ARSG: variants seen among roughly 807,000 people sequenced by gnomAD.
ARSG encodes the protein ASG.
ARSG carries 37 observed loss-of-function variants against 50.5 expected under a neutral mutation model. The observed-to-expected ratio is 0.73, with a 90% confidence interval of 0.56 to 0.96. ARSG has a LOEUF of 0.96. ARSG is among the 50% of genes least tolerant of loss of function. The pLI, the probability that ARSG is intolerant of heterozygous loss-of-function variation, is 0.00. For missense variants in ARSG, 629 were observed against 675.3 expected (o/e 0.93, Z 0.76); for synonymous variants, 225 against 254.6 (o/e 0.88, Z 1.11).
chr17:68,317,967 C>T (rs142487440), intron 2 of ARSG, among the ~76,000 whole-genome samples: 2,870 of 152,046 alleles, frequency 0.019, 101 homozygotes, highest in African/African-American at 0.066. Context: ...GGCGTGGTGG[C>T]GGGTGCCTGT....
At chr17:68,273,995 G>A (rs1192327611) in intron 1 of ARSG, 6 of 1,614,040 alleles carry the variant, frequency 3.7e-6, no homozygotes, top group East Asian at 2.2e-5. Flanking sequence ...CACCATCCCG[G>A]TGCTGACAAG....
chr17:68,326,076 A>G (rs1296264389), intron 2 of ARSG, among the ~76,000 whole-genome samples: 1 of 152,214 alleles, frequency 6.6e-6, no homozygotes, highest in African/African-American at 2.4e-5. Flanking sequence ...GGGCAGTGAC[A>G]AGACTAGGCA....
chr17:68,352,344 GA>G (rs33948326), intron 5 of ARSG, among the ~76,000 whole-genome samples: 13,073 of 141,830 alleles, frequency 0.092, 701 homozygotes, highest in East Asian at 0.17. Context: ...AATAGTAAGT[GA>G]AAAAAAAAAA....
chr17:68,259,255 C>G (rs1424638668), exon 1 of ARSG: 2 of 152,184 alleles, frequency 1.3e-5, no homozygotes, highest in Non-Finnish European at 2.9e-5. Flanking sequence ...CCGGGGACTT[C>G]CCCGGCGGGG....
chr17:68,356,901 G>A, intron 6 of ARSG, 97 bp downstream of exon 6: 2 of 1,469,632 alleles, frequency 1.4e-6, no homozygotes, highest in Non-Finnish European at 1.9e-6. Context: ...TGAGGCCATG[G>A]CAGAGTTTTG....
Position 68,306,995 on chromosome 17 carries a change from G to T in ARSG, c.-499G>T, listed in dbSNP as rs1463403440. On this transcript the variant is annotated 5_prime_UTR_variant, in exon 2 of 12. Transcript: ENST00000621439. The stretch of plus-strand genomic sequence containing the variant: ...AACCATCTGCTACTCAGTTATTCGG[G>T]GCTGACGGCGGCTTCTAGAACATCC... 1 of 152,716 alleles carries T rather than the reference G, an allele frequency of 6.5e-6. No homozygotes were observed. Among genetic ancestry groups the T allele is most frequent in the Non-Finnish European group, 1.5e-5 (1 of 68,518 alleles). 9.5% of individuals were successfully genotyped at this position (152,716 alleles called of 1,614,324 possible).
intron 4 of ARSG, among the ~76,000 whole-genome samples, chr17:68,349,900 G>A (rs1240804150): frequency 2.6e-5 from 4 of 152,078 alleles, no homozygotes; most frequent in Non-Finnish European, 4.4e-5. Context: ...AAAAAAATAC[G>A]ACAAGCATCT....
chr17:68,427,393 A>G (rs2083268887), downstream of ARSG: 7 of 632,338 alleles, frequency 1.1e-5, no homozygotes, highest in South Asian at 1.2e-4. Context: ...GTCTTGCTCT[A>G]TTGCCCAGGC....
intron 10 of ARSG, among the ~76,000 whole-genome samples, chr17:68,396,887 G>A (rs2081272037): frequency 6.6e-6 from 1 of 152,216 alleles, no homozygotes; most frequent in African/African-American, 2.4e-5. Context: ...GGAGCAGCCA[G>A]GCAGGAAGAT....
chr17:68,347,152 C>T lies in ARSG; in HGVS notation c.434C>T (p.Ser145Phe). ...AAATGGCATCTTGGACACCACGGCT[C>T]TTATCACCCCAACTTCCGTGGTAAG... is the stretch of plus-strand genomic sequence containing the variant. ...IGKWHLGHHG[S>F]YHPNFRGFDY... Residue 145 changes from serine (S) to phenylalanine (F), a missense_variant, in exon 4 of 12, where the codon TCT becomes TTT. Physicochemically the swap from Ser to Phe is radical, Grantham distance 155. Coordinates refer to ENST00000621439, the MANE Select transcript of ARSG (RefSeq NM_001267727.2). The T allele has an allele frequency of 6.2e-7, 1 of 1,614,110 alleles. No homozygotes were observed. Among genetic ancestry groups the T allele is most frequent in the South Asian group, 1.1e-5 (1 of 91,076 alleles).
At chr17:68,393,247 A>G (rs891793347) in intron 9 of ARSG, among the ~76,000 whole-genome samples, 4 of 152,246 alleles carry the variant, frequency 2.6e-5, no homozygotes, top group African/African-American at 9.6e-5. Flanking sequence ...GAAAAATTAC[A>G]GAAATGAATC....
chr17:68,279,710 C>T (rs901474258), intron 1 of ARSG, among the ~76,000 whole-genome samples: 1 of 152,186 alleles, frequency 6.6e-6, no homozygotes, highest in Non-Finnish European at 1.5e-5. Flanking sequence ...ATTGGTTTAA[C>T]TTAAGTCTTC....
chr17:68,341,599 AT>A (rs1410979168), intron 2 of ARSG, among the ~76,000 whole-genome samples: 2 of 152,158 alleles, frequency 1.3e-5, no homozygotes, highest in African/African-American at 4.8e-5. Flanking sequence ...ATCCTAGAGC[AT>A]TCTTTATCTC....
At chr17:68,353,854 A>G (rs2078909796) in intron 5 of ARSG, among the ~76,000 whole-genome samples, 1 of 151,810 alleles carries the variant, frequency 6.6e-6, no homozygotes, top group African/African-American at 2.4e-5. Flanking sequence ...GGCTTGTGTT[A>G]CCATGCCTGG....
At chr17:68,434,775 G>A in the ARSG span, 1 of 742,998 alleles carries the variant, frequency 1.3e-6, no homozygotes, top group Non-Finnish European at 2.2e-6. Context: ...GTTTATTTAT[G>A]TGCCATATCA....
chr17:68,260,511 A>C (rs2075056216), intron 1 of ARSG, among the ~76,000 whole-genome samples: 1 of 152,184 alleles, frequency 6.6e-6, no homozygotes, highest in South Asian at 2.1e-4. Context: ...TTTTTGAAAT[A>C]GGGTCTTGCT....
chr17:68,321,298 G>A (rs1340686573), intron 2 of ARSG, among the ~76,000 whole-genome samples: 1 of 152,154 alleles, frequency 6.6e-6, no homozygotes, highest in Non-Finnish European at 1.5e-5. Context: ...CTTACAAAGG[G>A]CCTGCGTATC....
intron 6 of ARSG, among the ~76,000 whole-genome samples, chr17:68,360,035 G>C (rs2079208606): frequency 6.6e-6 from 1 of 152,194 alleles, no homozygotes; most frequent in Non-Finnish European, 1.5e-5. Context: ...AAACGACACT[G>C]TGTTCTTAGG....
intron 2 of ARSG, among the ~76,000 whole-genome samples, chr17:68,337,512 C>T (rs1568485381): frequency 6.6e-6 from 1 of 152,042 alleles, no homozygotes; most frequent in Admixed American, 6.5e-5. Context: ...TCCTGGAAGG[C>T]GAAGGAGGAA....
Sources: allele counts gnomAD v4.1 joint callset (sites outside exome capture counted in the v4.1 genomes callset), GRCh38; gene constraint gnomAD v4.1.1; transcripts MANE v1.5; gene names NCBI Gene and HGNC (gene_info 2026-07-23, HGNC 2026-07-21).